The following SNX29 variants were observed in gnomAD, a reference collection of about 807,000 sequenced individuals.
The protein encoded by SNX29 is sorting nexin 29, also known as sorting nexin-29.
In SNX29, 78 loss-of-function variants were observed where a neutral mutation model predicts 102.1. The observed-to-expected ratio is 0.76, with a 90% CI of 0.64 to 0.92. The LOEUF (loss-of-function observed/expected upper bound fraction) is 0.92. Ranked by LOEUF, SNX29 falls within the 40% of genes least tolerant of loss-of-function variation. The pLI is 0.00. For synonymous variants in SNX29, 580 were observed against 414.5 expected (o/e 1.40, Z -4.85); for missense variants, 1,280 against 1,061.7 (o/e 1.21, Z -2.86).
intron 16 of SNX29, among the ~76,000 whole-genome samples, chr16:12,377,375 G>T (rs2082915082): frequency 6.6e-6 from 1 of 152,156 alleles, no homozygotes; most frequent in African/African-American, 2.4e-5. Context: ...CCAGGTTGTG[G>T]CAGAGGGGCA....
chr16:12,506,360 C>T lies in SNX29; in HGVS notation c.2179-18342C>T, dbSNP rs563951772. Among the ~76,000 whole-genome samples, 218 of 152,236 alleles carry T rather than the reference C, an allele frequency of 1.4e-3. 1 individual carries two copies. Among genetic ancestry groups the T allele is most frequent in the African/African-American group, 4.8e-3 (201 of 41,538 alleles). ...TGCGCCTGTCCCTGTAACTGGAGGG[C>T]GGAGTACTCTGTCCCCAACTACTTG... On this transcript the variant is annotated intron_variant, in intron 19 of 20. Coordinates refer to ENST00000566228, the MANE Select transcript of SNX29 (RefSeq NM_032167.5).
At chr16:12,259,900 A>AT (rs2078683723) in intron 14 of SNX29, among the ~76,000 whole-genome samples, 2 of 151,258 alleles carry the variant, frequency 1.3e-5, no homozygotes, top group African/African-American at 2.4e-5. Flanking sequence ...TCACCGCCAC[A>AT]TCCAAAGTGC....
At chr16:12,121,973 G>A (rs1189110829) in intron 11 of SNX29, among the ~76,000 whole-genome samples, 1 of 151,952 alleles carries the variant, frequency 6.6e-6, no homozygotes. Context: ...GCACCATCAC[G>A]CCTGGCTAAT....
At chr16:12,403,426 T>G (rs771045011) in intron 17 of SNX29, 22 bp from the exon 18 acceptor site, 1 of 1,588,470 alleles carries the variant, frequency 6.3e-7, no homozygotes, top group Non-Finnish European at 8.6e-7. Flanking sequence ...AATGTTGGTC[T>G]CTCTCTCTTC....
intron 20 of SNX29, among the ~76,000 whole-genome samples, chr16:12,566,754 C>T (rs1037053420): frequency 2.0e-5 from 3 of 152,208 alleles, no homozygotes; most frequent in African/African-American, 4.8e-5. Context: ...CAGCCAGACA[C>T]CCACCTAAAG....
chr16:12,031,730 G>A (rs1425626507), intron 4 of SNX29, among the ~76,000 whole-genome samples: 13 of 152,020 alleles, frequency 8.6e-5, no homozygotes, highest in East Asian at 7.7e-4. Flanking sequence ...GTGTGAACCC[G>A]GGAGGCGGAG....
intron 19 of SNX29, among the ~76,000 whole-genome samples, chr16:12,522,993 A>G (rs1458974344): frequency 1.3e-5 from 2 of 152,044 alleles, no homozygotes; most frequent in Non-Finnish European, 1.5e-5. Flanking sequence ...TCAATTTTTT[A>G]TAGAGATTGG....
chr16:12,345,308 C>T (rs2081761045), intron 15 of SNX29, among the ~76,000 whole-genome samples: 1 of 152,190 alleles, frequency 6.6e-6, no homozygotes, highest in Admixed American at 6.5e-5. Context: ...TGACCATGGG[C>T]AAGTGTTCTA....
At chr16:12,399,076 A>T (rs1213096365) in intron 17 of SNX29, among the ~76,000 whole-genome samples, 1 of 151,918 alleles carries the variant, frequency 6.6e-6, no homozygotes, top group African/African-American at 2.4e-5. Context: ...TATTTTTGAG[A>T]TAGAATCTCT....
At chr16:12,314,822 A>G (rs1316607638) in intron 15 of SNX29, among the ~76,000 whole-genome samples, 1 of 152,258 alleles carries the variant, frequency 6.6e-6, no homozygotes, top group East Asian at 1.9e-4. Context: ...AATAAAAGCC[A>G]TCATGTCCTT....
rs200265514 is a variant in SNX29 at position 12,390,188 on chromosome 16, A to G, written c.1900-8258A>G. ...TGTGTGTGTGTGTGTGTGTATGTATATGTATATGTGTGCACGCACAGCCTC... is the reference window on the plus strand; with the variant it reads ...TGTGTGTGTGTGTGTGTGTATGTATGTGTATATGTGTGCACGCACAGCCTC... On this transcript the variant is annotated intron_variant, in intron 16 of 20. Coordinates refer to ENST00000566228, the MANE Select transcript of SNX29 (RefSeq NM_032167.5). 1.7e-3 allele frequency among the ~76,000 whole-genome samples: 232 copies of G among 139,848 alleles called. 9 individuals are homozygous for G. The East Asian group carries it at 0.041, about 25-fold the overall frequency. 91.7% of individuals were successfully genotyped at this position (139,848 alleles called of 152,430 possible). A position where few individuals can be genotyped will look rare whatever the true frequency, so the allele number is the denominator to read the frequency against.
chr16:12,539,956 C>A (rs894138361), intron 20 of SNX29, among the ~76,000 whole-genome samples: 1 of 152,194 alleles, frequency 6.6e-6, no homozygotes, highest in Non-Finnish European at 1.5e-5. Flanking sequence ...CTTTGTCGAA[C>A]ATGTGAGTTG....
At chr16:12,478,169 C>T (rs181297465) in intron 19 of SNX29, among the ~76,000 whole-genome samples, 22 of 152,320 alleles carry the variant, frequency 1.4e-4, no homozygotes, top group African/African-American at 4.3e-4. Flanking sequence ...CAAATACTCA[C>T]CTCTGCTGGG....
At chr16:12,546,536 C>T (rs551931455) in intron 20 of SNX29, 5 of 152,310 alleles carry the variant, frequency 3.3e-5, no homozygotes, top group African/African-American at 1.2e-4. Context: ...ATGGGTCCCT[C>T]CCATGATACA....
rs1260800520 is a variant in SNX29 at position 12,051,930 on chromosome 16, T to C, written c.832T>C (p.Ser278Pro). 6.2e-7 allele frequency: 1 copy of C among 1,613,686 alleles called. No homozygotes were observed. Among genetic ancestry groups the C allele is most frequent in the African/African-American group, 1.3e-5 (1 of 74,926 alleles). ...SFDDEEDEQN[S>P]GDVFKKTPGA... ...TGATGATGAGGAAGATGAGCAGAAC[T>C]CTGGGGACGTGTTTAAAAAGACACC... The change falls in exon 8 of 21, where the codon TCT becomes CCT. Residue 278 changes from serine (S) to proline (P), a missense_variant. By Grantham distance (74) the Ser-to-Pro change is moderately conservative. Transcript: ENST00000566228.
chr16:12,392,792 G>A (rs1044670712), intron 16 of SNX29, among the ~76,000 whole-genome samples: 3 of 152,170 alleles, frequency 2.0e-5, no homozygotes, highest in African/African-American at 7.2e-5. Context: ...GAGATATGAT[G>A]CCTCTAGTGG....
chr16:12,057,277 C>T (rs948523983), intron 8 of SNX29, among the ~76,000 whole-genome samples: 3 of 152,158 alleles, frequency 2.0e-5, no homozygotes, highest in Non-Finnish European at 4.4e-5. Flanking sequence ...CCATATTTTG[C>T]CCATCATATT....
chr16:12,478,169 C>A (rs181297465), intron 19 of SNX29, among the ~76,000 whole-genome samples: 2 of 152,202 alleles, frequency 1.3e-5, no homozygotes, highest in Non-Finnish European at 2.9e-5. Flanking sequence ...CAAATACTCA[C>A]CTCTGCTGGG....
intron 15 of SNX29, among the ~76,000 whole-genome samples, chr16:12,312,941 C>T (rs371868243): frequency 1.2e-4 from 18 of 152,088 alleles, no homozygotes; most frequent in African/African-American, 4.3e-4. Flanking sequence ...GGATGGCCTT[C>T]CGAGTCAGGG....
Sources: allele counts gnomAD v4.1 joint callset (sites outside exome capture counted in the v4.1 genomes callset), GRCh38; gene constraint gnomAD v4.1.1; transcripts MANE v1.5; gene names NCBI Gene and HGNC (gene_info 2026-07-23, HGNC 2026-07-21).